The following PSCA variants were observed in gnomAD, a reference collection of about 807,000 sequenced individuals.
The protein encoded by PSCA is prostate stem cell antigen.
A neutral mutation model predicts 7.9 loss-of-function variants in PSCA; 7 were observed. That is an observed-to-expected ratio of 0.89 (90% CI 0.51 to 1.67). The LOEUF (loss-of-function observed/expected upper bound fraction) is 1.67, where lower values mean the gene tolerates loss of function less well. PSCA is among the 40% of genes most tolerant of loss of function. The pLI is 0.00. For missense variants in PSCA, 151 were observed against 147.9 expected (o/e 1.02, Z -0.11); for synonymous variants, 61 against 68.3 (o/e 0.89, Z 0.53).
intron 1 of PSCA, 129 bp from the exon 2 acceptor site, chr8:142,681,198 T>C (rs1021254383): frequency 4.6e-6 from 3 of 647,232 alleles, no homozygotes; most frequent in African/African-American, 1.8e-5. Context: ...GGAGGAGACA[T>C]TGAGGGTGAC....
chr8:142,675,472 A>G (rs34635647), upstream of PSCA, among the ~76,000 whole-genome samples: 66,872 of 151,756 alleles, frequency 0.44, 14,892 homozygotes, highest in Admixed American at 0.51. Flanking sequence ...GGGCTTGGGG[A>G]AGAACGCCTC....
chr8:142,680,302 G>T (rs79646367), upstream of PSCA: 12,064 of 577,390 alleles, frequency 0.021, 214 homozygotes, highest in Admixed American at 0.054. Flanking sequence ...ATATGGCCCT[G>T]GGTAGGCTCT....
intron 1 of PSCA, among the ~76,000 whole-genome samples, chr8:142,672,155 G>A (rs1380482225): frequency 1.3e-5 from 2 of 151,820 alleles, no homozygotes; most frequent in South Asian, 2.1e-4. Context: ...CTTCATGAAC[G>A]GCAGCTCACC....
rs782272112 is a variant in PSCA, at chr8:142,682,498, T to A, written c.*366T>A. 5.3e-5 allele frequency: 28 copies of A among 528,382 alleles called. 1 individual carries two copies. The highest frequency in any genetic ancestry group is 4.3e-4 in the South Asian group (28 of 64,446). 32.7% of individuals were successfully genotyped at this position (528,382 alleles called of 1,614,324 possible). On this transcript the variant is annotated 3_prime_UTR_variant, in exon 3 of 3. Coordinates refer to ENST00000301258, the MANE Select transcript of PSCA (RefSeq NM_005672.5). Reference sequence around the variant, plus strand: ...GACTTGAGCCAGGTCTGGTCCGTGGTGTCCCCCGCACCCAGCAGGGGACAG... The same window carrying A: ...GACTTGAGCCAGGTCTGGTCCGTGGAGTCCCCCGCACCCAGCAGGGGACAG...
At chr8:142,675,271 A>G (rs1847385808) in intron 1 of PSCA, among the ~76,000 whole-genome samples, 1 of 152,124 alleles carries the variant, frequency 6.6e-6, no homozygotes, top group Non-Finnish European at 1.5e-5. Context: ...ATTGGAGGCC[A>G]AGGGGCCTGG....
chr8:142,682,077 TCCTTG>T lies in PSCA; in HGVS notation c.292_296del (p.Leu98AlafsTer58). 1 of 1,607,922 alleles carries T rather than the reference TCCTTG, an allele frequency of 6.2e-7. No homozygotes were observed. Among genetic ancestry groups the T allele is most frequent in the African/African-American group, 1.3e-5 (1 of 75,050 alleles). ...CATGCCCTGCAGCCGGCTGCTGCCATCCTTGCGCTGCTCCCTGCACTCGGCCTGCT... is the reference window on the plus strand; with the variant it reads ...CATGCCCTGCAGCCGGCTGCTGCCATCGCTGCTCCCTGCACTCGGCCTGCT... On this transcript the variant is annotated frameshift_variant, in exon 3 of 3. Coordinates refer to ENST00000301258, the MANE Select transcript of PSCA (RefSeq NM_005672.5). LOFTEE classifies it low-confidence loss of function (END_TRUNC).
chr8:142,672,856 G>T (rs186526058), intron 1 of PSCA, among the ~76,000 whole-genome samples: 319 of 152,260 alleles, frequency 2.1e-3, no homozygotes, highest in African/African-American at 7.3e-3. Flanking sequence ...CCCACAGATT[G>T]GTATGACCAA....
chr8:142,680,954 G>T, intron 1 of PSCA: 1 of 461,852 alleles, frequency 2.2e-6, no homozygotes. Context: ...AGGTGCTGGG[G>T]GTGTCCTGCG....
At chr8:142,680,392 C>G (rs1847447676), upstream of PSCA, 1 of 910,116 alleles carries the variant, frequency 1.1e-6, no homozygotes, top group African/African-American at 1.6e-5. Context: ...CTGCCCAGCC[C>G]CGGGGCCCTC....
intron 1 of PSCA, 162 bp from the exon 2 acceptor site, chr8:142,681,165 T>C (rs1847458850): frequency 1.7e-6 from 1 of 588,616 alleles, no homozygotes; most frequent in Non-Finnish European, 3.0e-6. Flanking sequence ...TCGGAGGCAC[T>C]GAGCAGGGGG....
At chr8:142,671,429 A>C (rs1487986435) in intron 1 of PSCA, among the ~76,000 whole-genome samples, 1 of 152,236 alleles carries the variant, frequency 6.6e-6, no homozygotes, top group Non-Finnish European at 1.5e-5. Context: ...CATGACACTC[A>C]TTGTGCCATT....
chr8:142,672,958 T>C (rs998490692), intron 1 of PSCA, among the ~76,000 whole-genome samples: 1 of 152,178 alleles, frequency 6.6e-6, no homozygotes, highest in Non-Finnish European at 1.5e-5. Context: ...CACCATCTTG[T>C]CTGCTCCTTG....
intron 1 of PSCA, among the ~76,000 whole-genome samples, chr8:142,675,157 A>G (rs1290553316): frequency 3.3e-5 from 5 of 152,198 alleles, no homozygotes; most frequent in Non-Finnish European, 7.3e-5. Flanking sequence ...CCCAGCTGGA[A>G]GGGAAGGGTG....
chr8:142,680,768 C>T (rs782211624), intron 1 of PSCA: 28 of 678,602 alleles, frequency 4.1e-5, no homozygotes, highest in South Asian at 2.2e-4. Flanking sequence ...CCCCTGTGAC[C>T]GGGGCTTGCA....
chr8:142,682,323 C>CG lies in PSCA; in HGVS notation c.*193dup. 1 of 745,516 alleles carries CG rather than the reference C, an allele frequency of 1.3e-6. No individual in the cohort carries two copies. The highest frequency in any genetic ancestry group is 2.7e-5 in the East Asian group (1 of 37,448). The allele number at this position is 745,516 out of a possible 1,614,324, so 46.2% of individuals were successfully genotyped here. A position where few individuals can be genotyped will look rare whatever the true frequency, so the allele number is the denominator to read the frequency against. On this transcript the variant is annotated 3_prime_UTR_variant, in exon 3 of 3. Transcript: ENST00000301258. ...CATGGCCCTCTCCAGGACTCCCACC[C>CG]GGCAGATCGGCTCTATTGACACAGA...
intron 1 of PSCA, among the ~76,000 whole-genome samples, chr8:142,674,559 T>G (rs1847375225): frequency 6.6e-6 from 1 of 152,254 alleles, no homozygotes; most frequent in South Asian, 2.1e-4. Context: ...AAGGGCAGTT[T>G]GGAGATTAAC....
intron 1 of PSCA, among the ~76,000 whole-genome samples, chr8:142,672,681 A>G (rs1847347891): frequency 6.6e-6 from 1 of 152,200 alleles, no homozygotes; most frequent in African/African-American, 2.4e-5. Context: ...ACATGGACTC[A>G]TGTAGATGGG....
At chr8:142,681,567 A>G (rs1231039548) in intron 2 of PSCA, 133 bp downstream of exon 2, 1 of 742,844 alleles carries the variant, frequency 1.3e-6, no homozygotes, top group Admixed American at 2.1e-5. Context: ...TGCACCCCCA[A>G]CAATCACCCA....
chr8:142,680,225 G>C (rs992492459), upstream of PSCA: 7 of 444,440 alleles, frequency 1.6e-5, no homozygotes, highest in Non-Finnish European at 2.5e-5. Flanking sequence ...ACTGTGAGGT[G>C]GGGGAGGTGG....
Sources: gnomAD v4.1 joint callset for allele counts (sites outside exome capture counted in the v4.1 genomes callset) on GRCh38, gnomAD v4.1.1 for gene constraint, MANE v1.5 for transcripts, NCBI Gene and HGNC (gene_info 2026-07-23, HGNC 2026-07-21) for gene names.